TSNARE1: variants seen among roughly 807,000 people sequenced by gnomAD.
The protein encoded by TSNARE1 is t-SNARE domain-containing protein 1.
Under a neutral mutation model 62.0 loss-of-function variants are expected in TSNARE1, and 49 were observed. The ratio of observed to expected loss-of-function variants is 0.79; its 90% CI spans 0.63 to 1.00. The LOEUF (loss-of-function observed/expected upper bound fraction) is 1.00, where lower values mean the gene tolerates loss of function less well. TSNARE1 is among the 50% of genes least tolerant of loss of function. TSNARE1 has a pLI of 0.00. For missense variants in TSNARE1, 755 were observed against 700.1 expected (o/e 1.08, Z -0.88); for synonymous variants, 328 against 294.4 (o/e 1.11, Z -1.17).
chr8:142,213,782 G>A (rs1815690436), intron 13 of TSNARE1, among the ~76,000 whole-genome samples: 1 of 152,220 alleles, frequency 6.6e-6, no homozygotes, highest in Non-Finnish European at 1.5e-5. Context: ...TGGGTGCTGA[G>A]CCAGGTGCCC....
chr8:142,301,201 C>T (rs1206696699), intron 9 of TSNARE1, among the ~76,000 whole-genome samples: 4 of 141,096 alleles, frequency 2.8e-5, no homozygotes, highest in East Asian at 2.2e-4. Flanking sequence ...CTTCCCCTCC[C>T]GTCAGGAGCC....
At chr8:142,276,718 G>C in intron 11 of TSNARE1, 3 of 985,378 alleles carry the variant, frequency 3.0e-6, no homozygotes, top group Non-Finnish European at 3.6e-6. Flanking sequence ...CCTGGCCCTG[G>C]GGACTCTGAT....
intron 12 of TSNARE1, among the ~76,000 whole-genome samples, chr8:142,256,953 T>C (rs928242579): frequency 1.3e-5 from 2 of 152,172 alleles, no homozygotes; most frequent in African/African-American, 4.8e-5. Flanking sequence ...GCCACAGGTA[T>C]TGGAGGGAAA....
At chr8:142,288,229 G>A (rs1370950057) in intron 10 of TSNARE1, among the ~76,000 whole-genome samples, 2 of 152,256 alleles carry the variant, frequency 1.3e-5, no homozygotes, top group African/African-American at 4.8e-5. Flanking sequence ...CGGGGTGGAA[G>A]AGGGGCAGCT....
chr8:142,332,227 C>G (rs1022986466), intron 4 of TSNARE1, among the ~76,000 whole-genome samples: 2 of 152,242 alleles, frequency 1.3e-5, no homozygotes, highest in Non-Finnish European at 2.9e-5. Flanking sequence ...CAGCTCTGCA[C>G]CGGCAGCTCA....
At chr8:142,275,332 C>G in intron 11 of TSNARE1, 1 of 985,432 alleles carries the variant, frequency 1.0e-6, no homozygotes, top group African/African-American at 1.7e-5. Context: ...GTTTGCCACA[C>G]GCACTGGCCC....
At chr8:142,289,820 A>T (rs567243186) in intron 10 of TSNARE1, among the ~76,000 whole-genome samples, 11 of 152,346 alleles carry the variant, frequency 7.2e-5, no homozygotes, top group African/African-American at 2.6e-4. Context: ...CAAACAGAGG[A>T]CTAAAGAGCT....
At chr8:142,357,056 G>A (rs1156296425) in intron 1 of TSNARE1, among the ~76,000 whole-genome samples, 1 of 152,038 alleles carries the variant, frequency 6.6e-6, no homozygotes, top group African/African-American at 2.4e-5. Context: ...AGAAACCAGA[G>A]CACGAAGACA....
chr8:142,365,602 G>GCACACACACA lies in TSNARE1; in HGVS notation c.-39-10849_-39-10840dup, dbSNP rs1554674591. Among the ~76,000 whole-genome samples, 465 of 144,482 alleles carry GCACACACACA rather than the reference G, an allele frequency of 3.2e-3. 3 individuals carry two copies. The highest frequency in any genetic ancestry group is 5.2e-3 in the Non-Finnish European group (339 of 65,786). The allele number at this position is 144,482 out of a possible 152,430, so 94.8% of individuals were successfully genotyped here. On this transcript the variant is annotated intron_variant, in intron 1 of 13. Coordinates refer to ENST00000524325, the MANE Select transcript of TSNARE1 (RefSeq NM_145003.5). ...AAACCATCCATAAACACATGCACACGCACACACACACACACACACACACAC... is the reference window on the plus strand; with the variant it reads ...AAACCATCCATAAACACATGCACACGCACACACACACACACACACACACACACACACACAC...
At chr8:142,381,174 C>T (rs1836713159) in intron 1 of TSNARE1, among the ~76,000 whole-genome samples, 2 of 152,236 alleles carry the variant, frequency 1.3e-5, no homozygotes, top group South Asian at 2.1e-4. Context: ...GGGAATCCTG[C>T]CCACCCTTGT....
chr8:142,387,877 T>C (rs1215427715), intron 1 of TSNARE1, among the ~76,000 whole-genome samples: 1 of 152,168 alleles, frequency 6.6e-6, no homozygotes, highest in Non-Finnish European at 1.5e-5. Context: ...GAGAATGGCA[T>C]AAGAAATATA....
intron 4 of TSNARE1, 44 bp downstream of exon 4, chr8:142,343,922 G>A: frequency 2.0e-6 from 3 of 1,479,520 alleles, no homozygotes; most frequent in Non-Finnish European, 2.7e-6. Context: ...CCTCCTGCTG[G>A]ACAGAGTGGC....
chr8:142,308,829 G>A (rs140591608), intron 9 of TSNARE1, among the ~76,000 whole-genome samples: 2 of 152,262 alleles, frequency 1.3e-5, no homozygotes, highest in East Asian at 3.9e-4. Flanking sequence ...TATTGGGATT[G>A]TATTGAGCCT....
At chr8:142,307,737 T>C (rs189605111) in intron 9 of TSNARE1, among the ~76,000 whole-genome samples, 4 of 152,336 alleles carry the variant, frequency 2.6e-5, no homozygotes, top group East Asian at 1.9e-4. Flanking sequence ...TGAATATGCA[T>C]GTCTGTTGGG....
chr8:142,288,233 G>A (rs911517047), intron 10 of TSNARE1, among the ~76,000 whole-genome samples: 2 of 152,230 alleles, frequency 1.3e-5, no homozygotes, highest in Non-Finnish European at 2.9e-5. Flanking sequence ...GTGGAAGAGG[G>A]GCAGCTGCGA....
At chr8:142,273,647 G>C (rs1268188164) in intron 12 of TSNARE1, 2 of 985,278 alleles carry the variant, frequency 2.0e-6, no homozygotes, top group African/African-American at 3.5e-5. Flanking sequence ...GCCCCCGACA[G>C]AAATGGGGAG....
intron 9 of TSNARE1, among the ~76,000 whole-genome samples, chr8:142,313,412 GTC>G (rs141713769): frequency 2.0e-5 from 3 of 149,138 alleles, no homozygotes; most frequent in Admixed American, 6.7e-5. Flanking sequence ...GTGTTTATGT[GTC>G]TGTGTGTTTA....
chr8:142,297,421 C>A (rs1159801554), intron 10 of TSNARE1, among the ~76,000 whole-genome samples: 1 of 152,246 alleles, frequency 6.6e-6, no homozygotes, highest in East Asian at 1.9e-4. Flanking sequence ...TCACACCCCA[C>A]TAGCCACCTA....
intron 1 of TSNARE1, among the ~76,000 whole-genome samples, chr8:142,385,174 C>T (rs1173793662): frequency 6.6e-6 from 1 of 152,062 alleles, no homozygotes; most frequent in Non-Finnish European, 1.5e-5. Context: ...AGCCAGGCCA[C>T]AGATTCCTCT....
Sources: gnomAD v4.1 joint callset for allele counts (sites outside exome capture counted in the v4.1 genomes callset) on GRCh38, gnomAD v4.1.1 for gene constraint, MANE v1.5 for transcripts, NCBI Gene and HGNC (gene_info 2026-07-23, HGNC 2026-07-21) for gene names.